APLF: variants seen among roughly 807,000 people sequenced by gnomAD.
APLF encodes aprataxin and PNK-like factor.
In APLF, 61 loss-of-function variants were observed where a neutral mutation model predicts 55.6. The ratio of observed to expected loss-of-function variants is 1.10; its 90% CI spans 0.89 to 1.36. The LOEUF (loss-of-function observed/expected upper bound fraction) is 1.36, where lower values mean the gene tolerates loss of function less well. Among genes scored for constraint, APLF ranks in the 40% most tolerant of loss-of-function variants. The pLI is 0.00. For missense variants in APLF, 611 were observed against 602.5 expected (o/e 1.01, Z -0.15); for synonymous variants, 207 against 214.8 (o/e 0.96, Z 0.32).
chr2:68,519,416 A>G (rs1669826048), intron 5 of APLF, among the ~76,000 whole-genome samples: 2 of 149,510 alleles, frequency 1.3e-5, no homozygotes, highest in South Asian at 4.2e-4. Context: ...ATGTTGAACT[A>G]TTATAAGCAG....
At chr2:68,516,952 TATA>T (rs1221670390) in intron 5 of APLF, among the ~76,000 whole-genome samples, 5 of 125,976 alleles carry the variant, frequency 4.0e-5, no homozygotes, top group Non-Finnish European at 6.3e-5. Context: ...ATATATATAA[TATA>T]ATATATAATA....
intron 5 of APLF, among the ~76,000 whole-genome samples, chr2:68,518,459 T>C (rs1204213234): frequency 8.8e-6 from 1 of 113,276 alleles, no homozygotes; most frequent in Non-Finnish European, 1.6e-5. Context: ...TATTATATAT[T>C]ATATAACATA....
chr2:68,476,276 A>G (rs1176514885), intron 1 of APLF, among the ~76,000 whole-genome samples: 1 of 152,090 alleles, frequency 6.6e-6, no homozygotes, highest in Admixed American at 6.6e-5. Context: ...ACCTGAGGTC[A>G]GGAGTTTGAG....
intron 2 of APLF, among the ~76,000 whole-genome samples, chr2:68,494,277 C>CAAAAAAAAAAAAA (rs59466460): frequency 1.4e-3 from 68 of 49,404 alleles, no homozygotes; most frequent in African/African-American, 1.6e-3. Context: ...GACCCCGTCT[C>CAAAAAAAAAAAAA]AAAAAAAAAA....
At chr2:68,469,017 T>TGTGTGC (rs1286288972) in intron 1 of APLF, among the ~76,000 whole-genome samples, 2 of 143,036 alleles carry the variant, frequency 1.4e-5, no homozygotes, top group East Asian at 1.9e-4. Context: ...TGTGTGTGTG[T>TGTGTGC]GTGTTGTGTG....
At chr2:68,544,659 T>G (rs1403519078) in intron 7 of APLF, among the ~76,000 whole-genome samples, 2 of 152,198 alleles carry the variant, frequency 1.3e-5, no homozygotes, top group Admixed American at 1.3e-4. Context: ...TTTAATCTTT[T>G]TTTTAGTGTA....
At chr2:68,554,929 A>G (rs1260846395) in intron 8 of APLF, among the ~76,000 whole-genome samples, 1 of 152,130 alleles carries the variant, frequency 6.6e-6, no homozygotes, top group Non-Finnish European at 1.5e-5. Context: ...CATAGTCACC[A>G]AAACACCATG....
chr2:68,489,989 A>G (rs772478057), intron 1 of APLF, among the ~76,000 whole-genome samples: 3 of 152,114 alleles, frequency 2.0e-5, no homozygotes, highest in Admixed American at 6.5e-5. Context: ...TGACTCTTCC[A>G]TGACTTTGGG....
chr2:68,518,134 A>C (rs1177302489), intron 5 of APLF, among the ~76,000 whole-genome samples: 1 of 127,528 alleles, frequency 7.8e-6, no homozygotes, highest in Non-Finnish European at 1.6e-5. Flanking sequence ...AATATATATT[A>C]ATATATAATA....
intron 2 of APLF, among the ~76,000 whole-genome samples, chr2:68,500,386 T>TTAAA (rs144671549): frequency 0.026 from 3,903 of 152,264 alleles, 64 homozygotes; most frequent in South Asian, 0.043. Context: ...CAAGTATAAT[T>TTAAA]TAAATATTAA....
chr2:68,524,377 C>G lies in APLF; in HGVS notation c.623-1684C>G, dbSNP rs148455142. On this transcript the variant is annotated intron_variant, in intron 5 of 9. Coordinates refer to ENST00000303795, the MANE Select transcript of APLF (RefSeq NM_173545.3). Reference sequence around the variant, plus strand: ...CTTAATGAGGGAATGTTATTTCAGGCTACTTGAATGTCCTTTAGAACTGGA... The same window carrying G: ...CTTAATGAGGGAATGTTATTTCAGGGTACTTGAATGTCCTTTAGAACTGGA... Among the ~76,000 whole-genome samples the G allele has an allele frequency of 3.3e-5, 5 of 152,286 alleles. No homozygotes were observed. In the East Asian group the frequency reaches 7.7e-4, roughly 23 times the overall value.
chr2:68,513,758 A>G (rs1669486776), intron 5 of APLF, 78 bp downstream of exon 5: 2 of 1,504,468 alleles, frequency 1.3e-6, no homozygotes, highest in South Asian at 1.2e-5. Flanking sequence ...AAGAAAAACT[A>G]TAAACTAGTT....
intron 6 of APLF, among the ~76,000 whole-genome samples, chr2:68,536,697 G>A (rs966229093): frequency 6.6e-6 from 1 of 152,106 alleles, no homozygotes; most frequent in Non-Finnish European, 1.5e-5. Flanking sequence ...CTTCAGTTTG[G>A]TTAAACTCAA....
intron 8 of APLF, among the ~76,000 whole-genome samples, chr2:68,559,892 G>T (rs139207636): frequency 1.2e-3 from 175 of 152,154 alleles, no homozygotes; most frequent in African/African-American, 4.1e-3. Flanking sequence ...ATAACAAACT[G>T]TCATGGCTTA....
intron 1 of APLF, among the ~76,000 whole-genome samples, chr2:68,476,542 A>G (rs1364459014): frequency 6.6e-6 from 1 of 151,624 alleles, no homozygotes; most frequent in South Asian, 2.1e-4. Flanking sequence ...CAAAATAAGC[A>G]CTTCGAAGTC....
At chr2:68,557,167 A>G (rs986621935) in intron 8 of APLF, among the ~76,000 whole-genome samples, 11 of 152,200 alleles carry the variant, frequency 7.2e-5, no homozygotes, top group African/African-American at 2.2e-4. Context: ...GTACAATAGT[A>G]TAGTATTTGC....
chr2:68,575,508 T>C (rs545998864), intron 9 of APLF, among the ~76,000 whole-genome samples: 167 of 152,098 alleles, frequency 1.1e-3, no homozygotes, highest in Non-Finnish European at 2.1e-3. Context: ...TAGACTAGAA[T>C]GGAAGCAAGA....
At chr2:68,500,289 G>A (rs972812306) in intron 2 of APLF, among the ~76,000 whole-genome samples, 3 of 152,152 alleles carry the variant, frequency 2.0e-5, no homozygotes, top group Non-Finnish European at 4.4e-5. Flanking sequence ...TGTATTAACA[G>A]TTTTAGGAAA....
At chr2:68,503,836 A>G (rs967076645) in intron 3 of APLF, among the ~76,000 whole-genome samples, 1 of 152,064 alleles carries the variant, frequency 6.6e-6, no homozygotes, top group Non-Finnish European at 1.5e-5. Context: ...AAATAGAAAA[A>G]AAGAAAGTAA....
Sources: allele counts gnomAD v4.1 joint callset (sites outside exome capture counted in the v4.1 genomes callset), GRCh38; gene constraint gnomAD v4.1.1; transcripts MANE v1.5; gene names NCBI Gene and HGNC (gene_info 2026-07-23, HGNC 2026-07-21).